ALDH4A1: variants seen among roughly 807,000 people sequenced by gnomAD.
The protein encoded by ALDH4A1 is aldehyde dehydrogenase 4 family member A1.
A neutral mutation model predicts 70.5 loss-of-function variants in ALDH4A1; 46 were observed. The observed-to-expected ratio is 0.65, with a 90% CI of 0.51 to 0.83. The LOEUF (loss-of-function observed/expected upper bound fraction) is 0.83, where lower values mean the gene tolerates loss of function less well. Among genes scored for constraint, ALDH4A1 ranks in the 40% least tolerant of loss-of-function variants. ALDH4A1 has a pLI of 0.00. For synonymous variants in ALDH4A1, 323 were observed against 324.3 expected (o/e 1.00, Z 0.04); for missense variants, 749 against 766.5 (o/e 0.98, Z 0.27).
At chr1:18,891,543 T>C (rs1205452480) in intron 1 of ALDH4A1, among the ~76,000 whole-genome samples, 4 of 152,072 alleles carry the variant, frequency 2.6e-5, no homozygotes, top group Admixed American at 6.5e-5. Context: ...CTCAGTAAGA[T>C]GCTGTTAGGA....
At chr1:18,877,300 G>A (rs769168827) in intron 10 of ALDH4A1, 45 bp from the exon 11 acceptor site, 10 of 1,573,300 alleles carry the variant, frequency 6.4e-6, no homozygotes, top group East Asian at 4.7e-5. Flanking sequence ...ACTGCAGGCC[G>A]AGACCAAGGG....
At position 18,875,517 on chromosome 1, in the gene ALDH4A1, C is replaced by A. The variant is rs1186273343; in HGVS notation, c.1339-14G>T. ...CCCGAAGATCTCCTAGGAGAGAGGC[C>A]CCGGCGTCAGACCCTCCACGGGACC... is the stretch of plus-strand genomic sequence containing the variant. On this transcript the variant is annotated splice_polypyrimidine_tract_variant and intron_variant, in intron 12 of 14. Coordinates refer to ENST00000375341, the MANE Select transcript of ALDH4A1 (RefSeq NM_003748.4). 1.2e-6 allele frequency: 2 copies of A among 1,613,802 alleles called. No individual in the cohort carries two copies. The highest frequency in any genetic ancestry group is 1.7e-5 in the Admixed American group (1 of 59,986).
intron 1 of ALDH4A1, among the ~76,000 whole-genome samples, chr1:18,892,595 G>A (rs1935481738): frequency 6.6e-6 from 1 of 151,782 alleles, no homozygotes; most frequent in Non-Finnish European, 1.5e-5. Context: ...GGTAGAGGGA[G>A]AGGGAGAGGC....
chr1:18,892,482 T>A (rs1935470550), intron 1 of ALDH4A1, among the ~76,000 whole-genome samples: 1 of 151,456 alleles, frequency 6.6e-6, no homozygotes, highest in East Asian at 1.9e-4. Flanking sequence ...GGAAGGCCTC[T>A]CTGAGGAGGT....
At chr1:18,892,560 G>C (rs1169241674) in intron 1 of ALDH4A1, among the ~76,000 whole-genome samples, 2 of 151,708 alleles carry the variant, frequency 1.3e-5, no homozygotes, top group Non-Finnish European at 2.9e-5. Context: ...GAAGGAGGCG[G>C]GGGGGGGCTG....
chr1:18,889,066 A>G (rs2100590998), intron 3 of ALDH4A1, among the ~76,000 whole-genome samples: 2 of 152,162 alleles, frequency 1.3e-5, no homozygotes, highest in East Asian at 3.9e-4. Flanking sequence ...GCTTTTTGTC[A>G]TTAGCTCCCA....
chr1:18,901,431 C>T (rs9426796), intron 1 of ALDH4A1, among the ~76,000 whole-genome samples: 5,210 of 152,232 alleles, frequency 0.034, 113 homozygotes, highest in Middle Eastern at 0.054. Context: ...GCAAACAAAC[C>T]TCAAATGGGA....
At chr1:18,875,012 A>G (rs1441055953) in intron 13 of ALDH4A1, among the ~76,000 whole-genome samples, 4 of 152,256 alleles carry the variant, frequency 2.6e-5, no homozygotes, top group Admixed American at 2.6e-4. Flanking sequence ...CATGTGACCC[A>G]GGTTCGAATC....
At chr1:18,877,735 C>A in intron 9 of ALDH4A1, 123 bp from the exon 10 acceptor site, 33 of 1,206,942 alleles carry the variant, frequency 2.7e-5, no homozygotes, top group Non-Finnish European at 3.7e-5. Context: ...CAGCCCAGAG[C>A]GGGCGGAGGC....
chr1:18,883,230 C>T (rs376658944), intron 6 of ALDH4A1, 32 bp from the exon 7 acceptor site: 29 of 1,613,162 alleles, frequency 1.8e-5, no homozygotes, highest in South Asian at 3.3e-5. Flanking sequence ...AGATCAGGCC[C>T]ATGGCATTGG....
In ALDH4A1 at chr1:18,875,429, G is replaced by A; in HGVS notation, c.1413C>T (p.Asp471=). ...CCGTGAGGCCATAGCTGGTGGTGCTGTCAACCAGCTGCAGCGTCTCCTTGT... is the reference window on the plus strand; with the variant it reads ...CCGTGAGGCCATAGCTGGTGGTGCTATCAACCAGCTGCAGCGTCTCCTTGT... ...DKYKETLQLV[D]STTSYGLTGA... is the part of the protein sequence containing the mutation. Residue 471 remains aspartate (D), a synonymous_variant, in exon 13 of 15, where the codon GAC becomes GAT. Transcript: ENST00000375341. 3.1e-6 allele frequency: 5 copies of A among 1,614,160 alleles called. No homozygotes were observed. The South Asian group carries it at 4.4e-5, about 14-fold the overall frequency.
intron 11 of ALDH4A1, 95 bp downstream of exon 11, chr1:18,877,113 A>T: frequency 6.8e-7 from 1 of 1,480,396 alleles, no homozygotes; most frequent in Non-Finnish European, 9.2e-7. Context: ...GGGCTGGGTC[A>T]TGCCCTGGGT....
intron 5 of ALDH4A1, among the ~76,000 whole-genome samples, chr1:18,884,349 C>T (rs1935109094): frequency 1.3e-5 from 2 of 152,088 alleles, no homozygotes; most frequent in South Asian, 4.2e-4. Flanking sequence ...GAGGAGCAGG[C>T]AGTGGCAAAT....
intron 13 of ALDH4A1, among the ~76,000 whole-genome samples, chr1:18,874,939 A>G (rs1421440711): frequency 6.6e-6 from 1 of 152,248 alleles, no homozygotes; most frequent in Non-Finnish European, 1.5e-5. Flanking sequence ...TTTCTCATAG[A>G]GGCAGACATG....
intron 5 of ALDH4A1, 32 bp downstream of exon 5, chr1:18,885,441 G>GCCCCC: frequency 1.2e-5 from 5 of 423,744 alleles, no homozygotes; most frequent in Non-Finnish European, 1.2e-5. Flanking sequence ...ACCCCACCCC[G>GCCCCC]CCCCACCCAC....
intron 1 of ALDH4A1, among the ~76,000 whole-genome samples, chr1:18,897,381 A>G (rs1935658540): frequency 6.6e-6 from 1 of 152,138 alleles, no homozygotes; most frequent in Admixed American, 6.5e-5. Context: ...CATCTCTACT[A>G]AAAGTACAAA....
In ALDH4A1 at chr1:18,877,512, C is replaced by G. The variant is rs774707581; in HGVS notation, c.1041G>C (p.Lys347Asn). The G allele has an allele frequency of 6.2e-7, 1 of 1,611,006 alleles. No individual in the cohort carries two copies. Among genetic ancestry groups the G allele is most frequent in the South Asian group, 1.1e-5 (1 of 90,586 alleles). The change falls in exon 10 of 15, where the codon AAG becomes AAC. Residue 347 changes from lysine (K) to asparagine (N), a missense_variant. Lys to Asn is a moderately conservative substitution (Grantham distance 94, BLOSUM62 0). Transcript: ENST00000375341. Reference protein sequence around the residue: ...LRSAFEYGGQKCSACSRLYVP... With the variant: ...LRSAFEYGGQNCSACSRLYVP... ...CGTAGAGACGCGAGCACGCGGAACA[C>G]TTCTGGCCACCGTACTCGAAGGCTG...
At chr1:18,874,017 C>A (rs1934563201) in intron 14 of ALDH4A1, among the ~76,000 whole-genome samples, 1 of 152,220 alleles carries the variant, frequency 6.6e-6, no homozygotes, top group Non-Finnish European at 1.5e-5. Context: ...GTAGGACACC[C>A]AGCCAGCATC....
At chr1:18,887,646 A>C (rs1935269883) in intron 3 of ALDH4A1, among the ~76,000 whole-genome samples, 1 of 152,152 alleles carries the variant, frequency 6.6e-6, no homozygotes, top group African/African-American at 2.4e-5. Context: ...TAAAGGTACA[A>C]GGAACACCAC....
Sources: gnomAD v4.1 joint callset for allele counts (sites outside exome capture counted in the v4.1 genomes callset) on GRCh38, gnomAD v4.1.1 for gene constraint, MANE v1.5 for transcripts, NCBI Gene and HGNC (gene_info 2026-07-23, HGNC 2026-07-21) for gene names.